The following SPOCK3 variants were observed in gnomAD, a reference collection of about 807,000 sequenced individuals.
SPOCK3 encodes testican-3.
SPOCK3 carries 30 observed loss-of-function variants against 56.6 expected under a neutral mutation model. The ratio of observed to expected loss-of-function variants is 0.53; its 90% CI spans 0.40 to 0.72. SPOCK3 has a LOEUF of 0.72. Among genes scored for constraint, SPOCK3 ranks in the 30% least tolerant of loss-of-function variants. SPOCK3 has a pLI of 0.00. For missense variants in SPOCK3, 527 were observed against 530.0 expected (o/e 0.99, Z 0.06); for synonymous variants, 196 against 183.3 (o/e 1.07, Z -0.56).
intron 3 of SPOCK3, among the ~76,000 whole-genome samples, chr4:167,001,203 T>G (rs1262679796): frequency 6.6e-6 from 1 of 152,194 alleles, no homozygotes; most frequent in Non-Finnish European, 1.5e-5. Context: ...ATTATAAAAT[T>G]ATCACCACAA....
intron 6 of SPOCK3, chr4:166,883,156 T>A (rs1391546103): frequency 6.6e-6 from 1 of 152,208 alleles, no homozygotes; most frequent in Admixed American, 6.5e-5. Flanking sequence ...GAAAATGGCA[T>A]ACATTAATTC....
At chr4:166,972,220 CT>C (rs1416904572) in intron 4 of SPOCK3, among the ~76,000 whole-genome samples, 2 of 152,072 alleles carry the variant, frequency 1.3e-5, no homozygotes, top group African/African-American at 2.4e-5. Context: ...AAGAGAAAGC[CT>C]TCAGCAGCTT....
At chr4:166,840,674 A>G (rs1275165912) in intron 6 of SPOCK3, among the ~76,000 whole-genome samples, 1 of 150,354 alleles carries the variant, frequency 6.7e-6, no homozygotes, top group Admixed American at 6.6e-5. Context: ...TACATTTCAG[A>G]CTCATGATTT....
intron 7 of SPOCK3, among the ~76,000 whole-genome samples, chr4:166,765,703 G>GT (rs1482839778): frequency 6.6e-6 from 1 of 152,172 alleles, no homozygotes; most frequent in Non-Finnish European, 1.5e-5. Context: ...CTTTAAAGTA[G>GT]TTTTTTCCAA....
chr4:167,150,308 T>C (rs982723988), intron 2 of SPOCK3, among the ~76,000 whole-genome samples: 1 of 152,118 alleles, frequency 6.6e-6, no homozygotes, highest in Admixed American at 6.6e-5. Flanking sequence ...TGGTTTTTTT[T>C]TAATGTAAAA....
intron 3 of SPOCK3, among the ~76,000 whole-genome samples, chr4:167,054,155 T>C (rs1754529455): frequency 6.6e-6 from 1 of 152,156 alleles, no homozygotes; most frequent in Non-Finnish European, 1.5e-5. Context: ...AAATAAAAGG[T>C]GATCCTTGTA....
intron 4 of SPOCK3, among the ~76,000 whole-genome samples, chr4:166,951,240 T>C (rs1204503546): frequency 7.1e-6 from 1 of 141,262 alleles, no homozygotes; most frequent in Non-Finnish European, 1.5e-5. Flanking sequence ...TAAAAAATGA[T>C]AAAGGGGATA....
chr4:167,228,271 G>A (rs1295095823), intron 2 of SPOCK3, among the ~76,000 whole-genome samples: 3 of 151,888 alleles, frequency 2.0e-5, no homozygotes, highest in African/African-American at 2.4e-5. Flanking sequence ...AAGAATCTAC[G>A]CACATAAATA....
At chr4:166,887,005 T>C (rs1171460581) in intron 6 of SPOCK3, among the ~76,000 whole-genome samples, 1 of 152,174 alleles carries the variant, frequency 6.6e-6, no homozygotes, top group Non-Finnish European at 1.5e-5. Context: ...TTCTTGCCTC[T>C]CTTTCTACGC....
chr4:166,945,398 T>C (rs1328468152), intron 4 of SPOCK3, among the ~76,000 whole-genome samples: 1 of 152,200 alleles, frequency 6.6e-6, no homozygotes, highest in Non-Finnish European at 1.5e-5. Flanking sequence ...CAAGATTTAT[T>C]ATGACTTCCT....
In SPOCK3 at chr4:166,749,242, G is replaced by T. The variant is rs1433993024; in HGVS notation, c.931+5266C>A. 1.5e-5 allele frequency among the ~76,000 whole-genome samples: 2 copies of T among 137,552 alleles called. 1 individual carries two copies. The allele number at this position is 137,552 out of a possible 152,430, so 90.2% of individuals were successfully genotyped here. On this transcript the variant is annotated intron_variant, in intron 8 of 10. Coordinates refer to ENST00000357545, the MANE Select transcript of SPOCK3 (RefSeq NM_001040159.2). ...GCAAAGACTTGGAACCAACCCAAAT[G>T]TCCATCAATGATAGAATGGTTTAAG... is the stretch of plus-strand genomic sequence containing the variant.
intron 6 of SPOCK3, among the ~76,000 whole-genome samples, chr4:166,869,595 C>A (rs1227014234): frequency 2.0e-5 from 3 of 148,036 alleles, no homozygotes; most frequent in Non-Finnish European, 3.0e-5. Flanking sequence ...GTAATTATAA[C>A]CAATAGAATT....
intron 4 of SPOCK3, among the ~76,000 whole-genome samples, chr4:166,928,827 G>A (rs1395070037): frequency 1.3e-5 from 2 of 152,108 alleles, no homozygotes; most frequent in Non-Finnish European, 2.9e-5. Flanking sequence ...AATTAGCCAG[G>A]TGTGGTGGTG....
At chr4:167,198,420 A>T (rs1733180224) in intron 2 of SPOCK3, among the ~76,000 whole-genome samples, 5 of 152,100 alleles carry the variant, frequency 3.3e-5, no homozygotes, top group Admixed American at 3.3e-4. Flanking sequence ...TGTTGAAGTT[A>T]TAGCTTCTCT....
chr4:167,061,023 A>G (rs1580167866), intron 3 of SPOCK3, among the ~76,000 whole-genome samples: 2 of 152,224 alleles, frequency 1.3e-5, no homozygotes, highest in South Asian at 2.1e-4. Flanking sequence ...AATATTTTTA[A>G]GTTAGTAGGT....
intron 2 of SPOCK3, among the ~76,000 whole-genome samples, chr4:167,075,624 C>G (rs1374202939): frequency 6.6e-6 from 1 of 151,882 alleles, no homozygotes; most frequent in African/African-American, 2.4e-5. Context: ...GAGATAAAAA[C>G]AATAACAATA....
intron 4 of SPOCK3, among the ~76,000 whole-genome samples, chr4:166,983,494 T>C (rs957416122): frequency 6.6e-6 from 1 of 152,008 alleles, no homozygotes; most frequent in South Asian, 2.1e-4. Context: ...CATCCATGTT[T>C]CTCCAAAGGG....
At chr4:167,158,502 T>C (rs148923802) in intron 2 of SPOCK3, among the ~76,000 whole-genome samples, 318 of 152,118 alleles carry the variant, frequency 2.1e-3, no homozygotes, top group African/African-American at 7.0e-3. Context: ...TGTCAGGATT[T>C]GTTATTATAC....
rs1005241487 is a variant in SPOCK3, at chr4:166,791,052, A to G, written c.709+1118T>C. ...ATAAATCCAGAGATAAGCCTGAGGA[A>G]CTCTTCTATAGGAAATGAAAAATAC... On this transcript the variant is annotated intron_variant, in intron 7 of 10. Coordinates refer to ENST00000357545, the MANE Select transcript of SPOCK3 (RefSeq NM_001040159.2). Among the ~76,000 whole-genome samples, 5 of 152,288 alleles carry G rather than the reference A, an allele frequency of 3.3e-5. No homozygotes were observed. The East Asian group carries it at 5.8e-4, about 18-fold the overall frequency.
Sources: gnomAD v4.1 joint callset for allele counts (sites outside exome capture counted in the v4.1 genomes callset) on GRCh38, gnomAD v4.1.1 for gene constraint, MANE v1.5 for transcripts, NCBI Gene and HGNC (gene_info 2026-07-23, HGNC 2026-07-21) for gene names.